WDPCP: variants seen among roughly 807,000 people sequenced by gnomAD.
WDPCP encodes the protein WD repeat-containing and planar cell polarity effector protein fritz homolog.
Under a neutral mutation model 93.1 loss-of-function variants are expected in WDPCP, and 71 were observed. That is an observed-to-expected ratio of 0.76 (90% CI 0.63 to 0.93). WDPCP has a LOEUF of 0.93. WDPCP is among the 40% of genes least tolerant of loss of function. The probability of loss-of-function intolerance (pLI) is 0.00; values close to 1 mark genes in which losing one functional copy is unlikely to be tolerated. For synonymous variants in WDPCP, 315 were observed against 315.0 expected (o/e 1.00, Z 0.00); for missense variants, 844 against 887.4 (o/e 0.95, Z 0.62).
chr2:63,602,147 CAT>C, intron 3 of WDPCP, among the ~76,000 whole-genome samples: 1 of 152,278 alleles, frequency 6.6e-6, no homozygotes, highest in East Asian at 1.9e-4. Flanking sequence ...ATATCACAAA[CAT>C]AAATTTTTAA....
At chr2:63,186,811 G>GTT (rs34323591) in intron 14 of WDPCP, among the ~76,000 whole-genome samples, 48 of 132,538 alleles carry the variant, frequency 3.6e-4, no homozygotes, top group African/African-American at 7.9e-4. Flanking sequence ...GTGTGTGTGT[G>GTT]TTTTTTTTTT....
At chr2:63,250,538 T>C (rs1156793076) in intron 14 of WDPCP, among the ~76,000 whole-genome samples, 1 of 152,192 alleles carries the variant, frequency 6.6e-6, no homozygotes, top group African/African-American at 2.4e-5. Context: ...AGTACCATCA[T>C]GCTAAGCCTA....
At chr2:63,416,883 G>A (rs1695474040) in intron 9 of WDPCP, among the ~76,000 whole-genome samples, 1 of 152,104 alleles carries the variant, frequency 6.6e-6, no homozygotes. Context: ...TTCCAAGTTG[G>A]ACCTGACCCT....
intron 14 of WDPCP, among the ~76,000 whole-genome samples, chr2:63,208,225 C>A (rs1227786196): frequency 4.6e-5 from 7 of 151,994 alleles, no homozygotes; most frequent in Admixed American, 2.0e-4. Flanking sequence ...AATTATTATT[C>A]TTATTCTGTT....
At chr2:63,594,363 C>T (rs1359494175) in intron 3 of WDPCP, 4 of 804,808 alleles carry the variant, frequency 5.0e-6, no homozygotes, top group Non-Finnish European at 8.9e-6. Flanking sequence ...GAGCCAGATG[C>T]AAAAGGACTT....
At chr2:63,660,917 A>ATTAT (rs1275686697) in intron 2 of WDPCP, among the ~76,000 whole-genome samples, 2 of 152,200 alleles carry the variant, frequency 1.3e-5, no homozygotes, top group African/African-American at 4.8e-5. Flanking sequence ...ATTTAATGAC[A>ATTAT]TTATTTGATA....
At chr2:63,395,002 A>G (rs1022889284) in intron 10 of WDPCP, among the ~76,000 whole-genome samples, 1 of 152,170 alleles carries the variant, frequency 6.6e-6, no homozygotes, top group African/African-American at 2.4e-5. Context: ...CAATGTACCT[A>G]TAAAACAAAC....
At chr2:63,651,199 T>C (rs553291062) in intron 2 of WDPCP, among the ~76,000 whole-genome samples, 5 of 152,346 alleles carry the variant, frequency 3.3e-5, no homozygotes, top group South Asian at 2.1e-4. Flanking sequence ...AATTCTATTT[T>C]TTTAAAAGCC....
chr2:63,607,623 G>T (rs936141716), intron 3 of WDPCP, among the ~76,000 whole-genome samples: 1 of 151,422 alleles, frequency 6.6e-6, no homozygotes, highest in Non-Finnish European at 1.5e-5. Flanking sequence ...TACGTCAGGA[G>T]ATCGAGACCA....
intron 3 of WDPCP, chr2:63,597,417 A>G: frequency 6.9e-7 from 1 of 1,442,768 alleles, no homozygotes; most frequent in East Asian, 2.6e-5. Context: ...GCAACAGATA[A>G]AGAAGACGTT....
At position 63,796,267 on chromosome 2, in the gene WDPCP, C is replaced by T. The variant is rs1018126975; in HGVS notation, n.308+17355G>A. Reference sequence around the variant, plus strand: ...ATGGAAAGAAACAGTGTTCTTCAGACATTTAATCAAGCAGTCTCGGAGCAG... The same window carrying T: ...ATGGAAAGAAACAGTGTTCTTCAGATATTTAATCAAGCAGTCTCGGAGCAG... On this transcript the variant is annotated intron_variant and non_coding_transcript_variant, in intron 2 of 4. Coordinates refer to the WDPCP transcript ENST00000467687. Among the ~76,000 whole-genome samples, 69 of 152,186 alleles carry T rather than the reference C, an allele frequency of 4.5e-4. 2 individuals carry two copies. The highest frequency in any genetic ancestry group is 4.4e-3 in the Admixed American group (67 of 15,280).
intron 14 of WDPCP, among the ~76,000 whole-genome samples, chr2:63,255,650 G>C (rs1031471668): frequency 6.6e-6 from 1 of 152,082 alleles, no homozygotes; most frequent in Non-Finnish European, 1.5e-5. Flanking sequence ...AGGTACAGAT[G>C]CCAGCACCAT....
At chr2:63,289,549 C>A (rs193099825) in intron 13 of WDPCP, among the ~76,000 whole-genome samples, 40 of 152,020 alleles carry the variant, frequency 2.6e-4, no homozygotes, top group Admixed American at 1.3e-3. Context: ...ATATTTCAAT[C>A]TTCTAGAATT....
upstream of WDPCP, among the ~76,000 whole-genome samples, chr2:63,592,362 T>A (rs980131701): frequency 2.0e-5 from 3 of 152,206 alleles, no homozygotes; most frequent in African/African-American, 7.2e-5. Context: ...TGAAAAAGTT[T>A]TTGTTTGAGA....
At chr2:63,596,463 G>T (rs1709313429) in intron 3 of WDPCP, among the ~76,000 whole-genome samples, 1 of 152,096 alleles carries the variant, frequency 6.6e-6, no homozygotes. Context: ...TTTCCCATTT[G>T]TATTCCTTTC....
intron 2 of WDPCP, among the ~76,000 whole-genome samples, chr2:63,772,499 A>G (rs565547344): frequency 4.1e-4 from 62 of 152,224 alleles, no homozygotes; most frequent in Non-Finnish European, 6.2e-4. Context: ...AGAAAGAAAC[A>G]CAGGTCAATC....
chr2:63,226,427 TA>T (rs1455638011), intron 14 of WDPCP, among the ~76,000 whole-genome samples: 18 of 151,954 alleles, frequency 1.2e-4, no homozygotes, highest in Non-Finnish European at 2.4e-4. Flanking sequence ...TAAATCATTT[TA>T]AGGTATTGTT....
At chr2:63,808,674 C>T (rs567061171) in intron 2 of WDPCP, among the ~76,000 whole-genome samples, 1 of 152,290 alleles carries the variant, frequency 6.6e-6, no homozygotes, top group African/African-American at 2.4e-5. Context: ...AGTGCAGTGG[C>T]GTGATCTCGG....
intron 14 of WDPCP, among the ~76,000 whole-genome samples, chr2:63,192,984 C>A (rs925962855): frequency 6.6e-6 from 1 of 152,184 alleles, no homozygotes; most frequent in Non-Finnish European, 1.5e-5. Context: ...AAAGTAGCAG[C>A]TGCTCTTGTA....
Sources: gnomAD v4.1 joint callset for allele counts (sites outside exome capture counted in the v4.1 genomes callset) on GRCh38, gnomAD v4.1.1 for gene constraint, MANE v1.5 for transcripts, NCBI Gene and HGNC (gene_info 2026-07-23, HGNC 2026-07-21) for gene names.